Variants in GPHN observed in about 807,000 individuals in gnomAD.
GPHN encodes the protein gephyrin.
A neutral mutation model predicts 95.5 loss-of-function variants in GPHN; 17 were observed. That is an observed-to-expected ratio of 0.18 (90% CI 0.12 to 0.27). GPHN has a LOEUF of 0.27. Ranked by LOEUF, GPHN falls within the 10% of genes least tolerant of loss-of-function variation. GPHN has a pLI of 1.00. For missense variants in GPHN, 660 were observed against 978.1 expected (o/e 0.67, Z 4.34); for synonymous variants, 320 against 322.5 (o/e 0.99, Z 0.08).
intron 2 of GPHN, among the ~76,000 whole-genome samples, chr14:66,719,067 G>C (rs2070478396): frequency 6.6e-6 from 1 of 152,202 alleles, no homozygotes; most frequent in Non-Finnish European, 1.5e-5. Flanking sequence ...CCTGCTAGCA[G>C]CACCAAGTCT....
At chr14:67,212,281 G>A in the GPHN span, among the ~76,000 whole-genome samples, 1 of 151,982 alleles carries the variant, frequency 6.6e-6, no homozygotes, top group Non-Finnish European at 1.5e-5. Context: ...AGAAAAAAAT[G>A]TATCTTCTTT....
At chr14:67,518,681 A>G in the GPHN span, among the ~76,000 whole-genome samples, 1 of 152,232 alleles carries the variant, frequency 6.6e-6, no homozygotes, top group Non-Finnish European at 1.5e-5. Flanking sequence ...AACCAGCCAT[A>G]AAGGGTTTGC....
At chr14:67,580,954 C>T in the GPHN span, 1 of 1,612,372 alleles carries the variant, frequency 6.2e-7, no homozygotes, top group African/African-American at 1.3e-5. Flanking sequence ...GATGCCATCT[C>T]CAAGTGGGAA....
chr14:67,427,002 G>A, the GPHN span, among the ~76,000 whole-genome samples: 1 of 152,092 alleles, frequency 6.6e-6, no homozygotes, highest in Non-Finnish European at 1.5e-5. Context: ...TCTGCCCACT[G>A]GGAAAAACTA....
At chr14:66,781,598 A>G (rs750722359) in intron 3 of GPHN, among the ~76,000 whole-genome samples, 1 of 152,156 alleles carries the variant, frequency 6.6e-6, no homozygotes, top group African/African-American at 2.4e-5. Flanking sequence ...AAACATTACA[A>G]TTCATGTTTG....
At chr14:66,570,079 T>C (rs189001153) in intron 1 of GPHN, among the ~76,000 whole-genome samples, 27 of 152,212 alleles carry the variant, frequency 1.8e-4, no homozygotes, top group Admixed American at 1.4e-3. Flanking sequence ...TTTAACAACA[T>C]GGATGAATCT....
At chr14:66,716,101 T>G (rs2070157584) in intron 2 of GPHN, among the ~76,000 whole-genome samples, 1 of 152,180 alleles carries the variant, frequency 6.6e-6, no homozygotes. Flanking sequence ...CAGTGGAGTA[T>G]TAAAGTTCCC....
At chr14:67,292,455 A>G in the GPHN span, 1 of 1,175,184 alleles carries the variant, frequency 8.5e-7, no homozygotes. Context: ...CTGAAAATGC[A>G]TGTTGAATTA....
intron 1 of GPHN, among the ~76,000 whole-genome samples, chr14:66,527,082 T>C (rs980851405): frequency 2.0e-5 from 3 of 152,214 alleles, no homozygotes; most frequent in African/African-American, 7.2e-5. Context: ...CTGGTAGAAT[T>C]CAGCTGTGAA....
chr14:67,678,193 C>G, the GPHN span: 106 of 636,090 alleles, frequency 1.7e-4, no homozygotes, highest in Non-Finnish European at 2.6e-4. Flanking sequence ...GGACACCAAG[C>G]AGGCAAGGCT....
chr14:66,526,728 G>T (rs2139880088), intron 1 of GPHN, among the ~76,000 whole-genome samples: 1 of 152,274 alleles, frequency 6.6e-6, no homozygotes, highest in East Asian at 1.9e-4. Context: ...CATCTACTGA[G>T]ATAATCATGT....
chr14:66,767,805 A>G (rs1013533731), intron 2 of GPHN, among the ~76,000 whole-genome samples: 5 of 151,986 alleles, frequency 3.3e-5, no homozygotes, highest in African/African-American at 9.7e-5. Context: ...TCCCAGCAAC[A>G]TACAACAATG....
At chr14:67,508,650 G>T in the GPHN span, among the ~76,000 whole-genome samples, 1 of 150,410 alleles carries the variant, frequency 6.6e-6, no homozygotes, top group Non-Finnish European at 1.5e-5. Flanking sequence ...GAAGGCTGAG[G>T]CTAGAGGATC....
At chr14:67,156,108 A>G (rs952218928) in intron 18 of GPHN, among the ~76,000 whole-genome samples, 1 of 152,222 alleles carries the variant, frequency 6.6e-6, no homozygotes, top group Non-Finnish European at 1.5e-5. Flanking sequence ...TGGAAGGATT[A>G]TGGAAGCATG....
the GPHN span, chr14:67,198,997 G>A: frequency 1.4e-6 from 1 of 705,394 alleles, no homozygotes. Context: ...TTTCACAGAG[G>A]GGTGACAAGG....
chr14:66,876,250 C>T (rs896252509), intron 4 of GPHN, among the ~76,000 whole-genome samples: 17 of 152,156 alleles, frequency 1.1e-4, no homozygotes, highest in South Asian at 8.3e-4. Flanking sequence ...AGCTAAAGCA[C>T]TCTTTACAGG....
At chr14:67,645,513 CA>C in the GPHN span, 1 of 1,042,558 alleles carries the variant, frequency 9.6e-7, no homozygotes, top group South Asian at 1.8e-5. Flanking sequence ...TTGCCTCACC[CA>C]AACCCAGTCT....
chr14:66,976,501 A>T (rs1222408939), intron 9 of GPHN, among the ~76,000 whole-genome samples: 1 of 152,206 alleles, frequency 6.6e-6, no homozygotes, highest in African/African-American at 2.4e-5. Context: ...TACATCCCAT[A>T]GTAAACTATC....
At chr14:67,210,239 G>A in the GPHN span, among the ~76,000 whole-genome samples, 1 of 152,124 alleles carries the variant, frequency 6.6e-6, no homozygotes, top group South Asian at 2.1e-4. Context: ...ATAGTATGTC[G>A]ATTTCGTGAA....
Sources: allele counts gnomAD v4.1 joint callset (sites outside exome capture counted in the v4.1 genomes callset), GRCh38; gene constraint gnomAD v4.1.1; transcripts MANE v1.5; gene names NCBI Gene and HGNC (gene_info 2026-07-23, HGNC 2026-07-21).